The following SFSWAP variants were observed in gnomAD, a reference collection of about 807,000 sequenced individuals.
SFSWAP encodes splicing factor SWAP, also known as splicing factor, suppressor of white-apricot homolog.
In SFSWAP, 17 loss-of-function variants were observed where a neutral mutation model predicts 100.7. The ratio of observed to expected loss-of-function variants is 0.17; its 90% CI spans 0.12 to 0.25. The LOEUF is 0.25. Ranked by LOEUF, SFSWAP falls within the 10% of genes least tolerant of loss-of-function variation. SFSWAP has a pLI of 1.00. For missense variants in SFSWAP, 1,005 were observed against 1,262.6 expected, an observed-to-expected ratio of 0.80 and a Z score of 3.09; for synonymous variants, 504 against 510.1, an observed-to-expected ratio of 0.99 and a Z score of 0.16.
At chr12:131,729,331 G>T (rs976807664) in intron 7 of SFSWAP, among the ~76,000 whole-genome samples, 5 of 151,800 alleles carry the variant, frequency 3.3e-5, no homozygotes, top group African/African-American at 1.2e-4. Context: ...TACTAAAACC[G>T]CATCTTGACA....
rs764730676 is a variant in SFSWAP at position 131,756,493 on chromosome 12, G to A, written c.1569G>A (p.Glu523=). The part of the protein sequence containing the change: ...DSMQAVSAPE[E]APTDSAPEKP... The stretch of plus-strand genomic sequence containing the variant: ...TCTAGGCTGTGTCTGCACCAGAAGA[G>A]GCTCCCACAGACTCTGCTCCCGAGA... The change falls in exon 11 of 18, where the codon GAG becomes GAA. Residue 523 remains glutamate, a synonymous_variant. Coordinates refer to ENST00000261674, the MANE Select transcript of SFSWAP (RefSeq NM_004592.4). 5.0e-6 allele frequency: 8 copies of A among 1,613,918 alleles called. No individual in the cohort carries two copies. The highest frequency in any genetic ancestry group is 3.3e-4 in the Middle Eastern group (2 of 6,084).
intron 15 of SFSWAP, among the ~76,000 whole-genome samples, chr12:131,795,421 C>T (rs1010099703): frequency 1.3e-5 from 2 of 152,198 alleles, no homozygotes; most frequent in African/African-American, 4.8e-5. Flanking sequence ...CGGGGCTGTC[C>T]CTACCAGGGC....
At chr12:131,741,342 A>G (rs1172562410) in intron 7 of SFSWAP, among the ~76,000 whole-genome samples, 1 of 152,174 alleles carries the variant, frequency 6.6e-6, no homozygotes, top group African/African-American at 2.4e-5. Context: ...CCATTTAAAA[A>G]TGTAAAAACC....
rs1879704054 is a variant in SFSWAP, at chr12:131,733,467, C to T, written c.1081+5039C>T. Among the ~76,000 whole-genome samples, 1 of 152,106 alleles carries T rather than the reference C, an allele frequency of 6.6e-6. No homozygotes were observed. Among genetic ancestry groups the T allele is most frequent in the Non-Finnish European group, 1.5e-5 (1 of 68,024 alleles). On this transcript the variant is annotated intron_variant, in intron 7 of 17. Transcript: ENST00000261674. The surrounding 1 kb of genome is among the most constrained non-coding windows in gnomAD (Gnocchi z 5.1). ...GGCATGCATCCTGAGAGCCAGGCAG[C>T]GACGCTGCCTGCACTGCCCCACCGC... is the stretch of plus-strand genomic sequence containing the variant.
chr12:131,756,371 A>C, intron 10 of SFSWAP, 102 bp from the exon 11 acceptor site: 1 of 1,001,230 alleles, frequency 1.0e-6, no homozygotes, highest in Non-Finnish European at 1.5e-6. Context: ...AGTAATGTAC[A>C]ATTGCCGTTG....
intron 9 of SFSWAP, among the ~76,000 whole-genome samples, chr12:131,754,968 G>A (rs1421508766): frequency 6.6e-6 from 1 of 152,048 alleles, no homozygotes; most frequent in Non-Finnish European, 1.5e-5. Flanking sequence ...TAATTGGCTT[G>A]TTAAATTGCT....
At chr12:131,764,897 C>T (rs998400694) in intron 12 of SFSWAP, among the ~76,000 whole-genome samples, 1 of 152,210 alleles carries the variant, frequency 6.6e-6, no homozygotes, top group Non-Finnish European at 1.5e-5. Context: ...AATGCAGTGC[C>T]GCTGGCAGTT....
In SFSWAP at chr12:131,799,718, G is replaced by C; in HGVS notation, c.*230G>C. The C allele has an allele frequency of 1.8e-6, 1 of 540,550 alleles. No homozygotes were observed. The highest frequency in any genetic ancestry group is 3.3e-6 in the Non-Finnish European group (1 of 305,360). 33.5% of individuals were successfully genotyped at this position (540,550 alleles called of 1,614,324 possible). A position where few individuals can be genotyped will look rare whatever the true frequency, so the allele number is the denominator to read the frequency against. On this transcript the variant is annotated 3_prime_UTR_variant, in exon 18 of 18. Transcript: ENST00000261674. ...AATGTATTATGAAATAAAATGGGAG[G>C]AAACACCTTTTCTAGCTAGACCCTG...
intron 7 of SFSWAP, among the ~76,000 whole-genome samples, chr12:131,737,653 C>T (rs1880162285): frequency 6.6e-6 from 1 of 152,102 alleles, no homozygotes; most frequent in Non-Finnish European, 1.5e-5. Flanking sequence ...GGTCACTAAG[C>T]TTTTCTGGCT....
At chr12:131,746,691 A>G (rs141174810) in intron 7 of SFSWAP, among the ~76,000 whole-genome samples, 39 of 152,300 alleles carry the variant, frequency 2.6e-4, no homozygotes, top group African/African-American at 8.9e-4. Flanking sequence ...AAATGCCTTA[A>G]TTTTGCCTTC....
chr12:131,728,501 CCCAAGTGTTCTGTCCT>C, intron 7 of SFSWAP, 73 bp downstream of exon 7: 1 of 1,504,806 alleles, frequency 6.6e-7, no homozygotes. Flanking sequence ...GGCTCTAAAC[CCCAAGTGTTCTGTCCT>C]CCAAGTGTAA....
At position 131,754,475 on chromosome 12, in the gene SFSWAP, G is replaced by C. The variant is rs764076045; in HGVS notation, c.1430G>C (p.Ser477Thr). The change falls in exon 9 of 18, where the codon AGT becomes ACT. Residue 477 changes from serine to threonine, a missense_variant. Physicochemically the swap from Ser to Thr is moderately conservative, Grantham distance 58 (BLOSUM62 1). This residue lies in a region of SFSWAP where 311 missense variants were observed against 317.8 expected (regional missense o/e 0.98). Coordinates refer to ENST00000261674, the MANE Select transcript of SFSWAP (RefSeq NM_004592.4). ...AGGAACGGCCTGAAGTTCGAGACCA[G>C]TGTTCGTGCCAAGAATGATCAAAGG... ...VARNGLKFET[S>T]VRAKNDQRFE... 3 of 1,601,486 alleles carry C rather than the reference G, an allele frequency of 1.9e-6. No homozygotes were observed. Among genetic ancestry groups the C allele is most frequent in the Admixed American group, 1.8e-5 (1 of 56,878 alleles).
At chr12:131,755,568 AG>A (rs1232230560) in intron 10 of SFSWAP, 89 bp downstream of exon 10, 2 of 860,554 alleles carry the variant, frequency 2.3e-6, no homozygotes, top group Admixed American at 4.4e-5. Flanking sequence ...CTTCTCCTAC[AG>A]GTGAAAGGGC....
At chr12:131,758,245 C>A (rs1367922482) in intron 11 of SFSWAP, among the ~76,000 whole-genome samples, 1 of 152,126 alleles carries the variant, frequency 6.6e-6, no homozygotes, top group Non-Finnish European at 1.5e-5. Context: ...GAGGAGCAGC[C>A]CTGCCCACAA....
intron 7 of SFSWAP, among the ~76,000 whole-genome samples, chr12:131,732,304 A>G (rs929104518): frequency 1.3e-5 from 2 of 152,220 alleles, no homozygotes; most frequent in Admixed American, 6.5e-5. Flanking sequence ...AGAGCAGCCC[A>G]TGGCTTGGCC....
At chr12:131,797,568 G>A (rs1404482043) in intron 16 of SFSWAP, among the ~76,000 whole-genome samples, 2 of 152,256 alleles carry the variant, frequency 1.3e-5, no homozygotes, top group African/African-American at 2.4e-5. Flanking sequence ...AGCAGGTCCT[G>A]TACTGGGGAG....
chr12:131,719,430 T>G (rs756751403), intron 3 of SFSWAP, 24 bp from the exon 4 acceptor site: 2 of 1,601,366 alleles, frequency 1.2e-6, no homozygotes, highest in Non-Finnish European at 1.7e-6. Flanking sequence ...TTGTTCTGAA[T>G]TTTTTAATTT....
In SFSWAP at chr12:131,725,688, G is replaced by A; in HGVS notation, c.832+58G>A. 7.5e-7 allele frequency: 1 copy of A among 1,326,936 alleles called. No homozygotes were observed. The highest frequency in any genetic ancestry group is 1.2e-5 in the South Asian group (1 of 80,512). 82.2% of individuals were successfully genotyped at this position (1,326,936 alleles called of 1,614,324 possible). A position where few individuals can be genotyped will look rare whatever the true frequency, so the allele number is the denominator to read the frequency against. ...TTGGGCCTGTGTTGTGGGGGCGGCAGGCTGGGTGGTTCTGGGAAAAGTGTG... is the reference window on the plus strand; with the variant it reads ...TTGGGCCTGTGTTGTGGGGGCGGCAAGCTGGGTGGTTCTGGGAAAAGTGTG... On this transcript the variant is annotated intron_variant, in intron 5 of 17. Transcript: ENST00000261674. This position sits in a 1 kb window ranked among gnomAD's most constrained non-coding sequence, Gnocchi z 4.3.
At chr12:131,797,474 G>A (rs890927765) in intron 16 of SFSWAP, 114 bp downstream of exon 16, 29 of 1,003,180 alleles carry the variant, frequency 2.9e-5, no homozygotes, top group Middle Eastern at 3.2e-4. Flanking sequence ...TCCAGGGGGC[G>A]CCAGCCACAA....
Sources: gnomAD v4.1 joint callset for allele counts (sites outside exome capture counted in the v4.1 genomes callset) on GRCh38, gnomAD v4.1.1 for gene constraint, gnomAD v4.1.1 regional missense constraint, Gnocchi (gnomAD v3.1) non-coding constraint, MANE v1.5 for transcripts, NCBI Gene and HGNC (gene_info 2026-07-23, HGNC 2026-07-21) for gene names.